ADGRL2: variants seen among roughly 807,000 people sequenced by gnomAD.
ADGRL2 encodes adhesion G protein-coupled receptor L2.
In ADGRL2, 44 loss-of-function variants were observed where a neutral mutation model predicts 157.4. The observed-to-expected ratio is 0.28, with a 90% CI of 0.22 to 0.36. The LOEUF (loss-of-function observed/expected upper bound fraction) is 0.36, where lower values mean the gene tolerates loss of function less well. Among genes scored for constraint, ADGRL2 ranks in the 10% least tolerant of loss-of-function variants. The probability of loss-of-function intolerance (pLI) is 1.00; values close to 1 mark genes in which losing one functional copy is unlikely to be tolerated. For missense variants in ADGRL2, 1,510 were observed against 1,768.9 expected (o/e 0.85, Z 2.63); for synonymous variants, 585 against 624.7 (o/e 0.94, Z 0.95).
intron 2 of ADGRL2, among the ~76,000 whole-genome samples, chr1:81,480,933 C>T (rs565675144): frequency 6.6e-6 from 1 of 152,252 alleles, no homozygotes; most frequent in African/African-American, 2.4e-5. Flanking sequence ...TTCTCCTGAA[C>T]GTCTGTATCC....
At chr1:81,552,493 A>G (rs766473550) in intron 2 of ADGRL2, among the ~76,000 whole-genome samples, 5 of 151,548 alleles carry the variant, frequency 3.3e-5, no homozygotes, top group African/African-American at 9.7e-5. Flanking sequence ...TCTGTCTCCC[A>G]TCTAAATGTG....
intron 1 of ADGRL2, among the ~76,000 whole-genome samples, chr1:81,413,399 A>T (rs911467363): frequency 6.6e-6 from 1 of 152,214 alleles, no homozygotes; most frequent in Non-Finnish European, 1.5e-5. Context: ...AGGAAAAAAA[A>T]TGTTTTTGTC....
intron 2 of ADGRL2, among the ~76,000 whole-genome samples, chr1:81,896,516 G>GAA (rs1346545501): frequency 6.6e-6 from 1 of 151,612 alleles, no homozygotes; most frequent in Non-Finnish European, 1.5e-5. Flanking sequence ...CTGGATTTTT[G>GAA]AAAAAACATT....
At chr1:81,617,548 T>C (rs1168412813) in intron 3 of ADGRL2, among the ~76,000 whole-genome samples, 3 of 152,208 alleles carry the variant, frequency 2.0e-5, no homozygotes, top group Non-Finnish European at 4.4e-5. Context: ...AGTCTTAGTT[T>C]TTCATTTCCT....
chr1:81,939,329 T>C (rs1263633520), intron 4 of ADGRL2, among the ~76,000 whole-genome samples: 1 of 151,554 alleles, frequency 6.6e-6, no homozygotes. Flanking sequence ...CATATATTTA[T>C]ATTTGAAAGA....
chr1:81,576,050 T>G (rs2080792245), intron 2 of ADGRL2, among the ~76,000 whole-genome samples: 1 of 152,264 alleles, frequency 6.6e-6, no homozygotes, highest in East Asian at 1.9e-4. Flanking sequence ...TGATGGAACT[T>G]ATTTTATAAA....
chr1:81,957,651 G>C (rs1415239290), intron 11 of ADGRL2, among the ~76,000 whole-genome samples: 1 of 152,052 alleles, frequency 6.6e-6, no homozygotes, highest in East Asian at 1.9e-4. Flanking sequence ...AGAGGTTGCA[G>C]TGAGCTGAGA....
intron 1 of ADGRL2, among the ~76,000 whole-genome samples, chr1:81,317,480 T>A (rs1660186018): frequency 6.6e-6 from 1 of 152,216 alleles, no homozygotes; most frequent in Admixed American, 6.5e-5. Context: ...GTTGACTGAC[T>A]TTTCTATATC....
Position 81,306,954 on chromosome 1 carries a change from G to C in ADGRL2, c.-302+445G>C, listed in dbSNP as rs186047948. On this transcript the variant is annotated intron_variant, in intron 1 of 24. Transcript: ENST00000370721. ...AACTGTTGAAATGTTTTTAACAACA[G>C]CAACAAAATAATAGATTTTACTTTA... 1.6e-4 allele frequency among the ~76,000 whole-genome samples: 25 copies of C among 152,106 alleles called. No homozygotes were observed. The East Asian group carries it at 3.1e-3, about 19-fold the overall frequency.
chr1:81,560,566 C>A (rs1438920625), intron 2 of ADGRL2, among the ~76,000 whole-genome samples: 1 of 152,112 alleles, frequency 6.6e-6, no homozygotes, highest in Non-Finnish European at 1.5e-5. Context: ...TTCAACACAT[C>A]TTTTTCTGTT....
chr1:81,642,248 CAAAAAAA>C (rs35830955), intron 3 of ADGRL2, among the ~76,000 whole-genome samples: 4 of 61,632 alleles, frequency 6.5e-5, no homozygotes, highest in East Asian at 4.7e-4. Context: ...ACTCTGTCTC[CAAAAAAA>C]AAAAAAAAAA....
chr1:81,633,322 G>A (rs996184638), intron 3 of ADGRL2, among the ~76,000 whole-genome samples: 3 of 151,982 alleles, frequency 2.0e-5, no homozygotes, highest in Admixed American at 6.6e-5. Flanking sequence ...CTGGGCGGGC[G>A]CAGTGGCTCA....
At chr1:81,891,194 GTATT>G (rs1244352767) in intron 2 of ADGRL2, among the ~76,000 whole-genome samples, 2 of 151,100 alleles carry the variant, frequency 1.3e-5, no homozygotes, top group Admixed American at 6.6e-5. Context: ...TATTTTTACT[GTATT>G]TATATTATTT....
In ADGRL2 at chr1:81,812,941, A is replaced by G. The variant is rs557039194; in HGVS notation, c.-101+11873A>G. On this transcript the variant is annotated intron_variant, in intron 1 of 23. Coordinates refer to ENST00000686636, the MANE Select transcript of ADGRL2 (RefSeq NM_001366006.2). ...CTTGATTGAAACCTGAATTCTGTTT[A>G]TGACTCTGTGCCAGCTGAATTTCTA... is the stretch of plus-strand genomic sequence containing the variant. Among the ~76,000 whole-genome samples the G allele has an allele frequency of 4.3e-4, 65 of 151,944 alleles. 1 individual carries two copies. The South Asian group carries it at 0.013, about 30-fold the overall frequency.
chr1:81,491,210 C>A (rs9661590), intron 2 of ADGRL2, among the ~76,000 whole-genome samples: 22,262 of 152,082 alleles, frequency 0.15, 3,020 homozygotes, highest in African/African-American at 0.36. Flanking sequence ...AAAAGAGTAC[C>A]TGCTATAGGA....
intron 1 of ADGRL2, among the ~76,000 whole-genome samples, chr1:81,352,769 T>C (rs1049739886): frequency 7.9e-5 from 12 of 152,100 alleles, no homozygotes; most frequent in African/African-American, 2.7e-4. Context: ...GGGAGACATA[T>C]ACATAAGCAA....
At chr1:81,327,284 A>G (rs572571733) in intron 1 of ADGRL2, among the ~76,000 whole-genome samples, 1 of 152,306 alleles carries the variant, frequency 6.6e-6, no homozygotes, top group African/African-American at 2.4e-5. Flanking sequence ...GAGAGAAATC[A>G]TCCCATTCCT....
intron 1 of ADGRL2, among the ~76,000 whole-genome samples, chr1:81,730,728 GAA>G (rs35484703): frequency 7.1e-5 from 10 of 141,368 alleles, no homozygotes; most frequent in South Asian, 4.4e-4. Context: ...ATCTCAAAAA[GAA>G]AAAAAAAAAA....
At chr1:81,737,775 G>A (rs2084950479) in intron 1 of ADGRL2, among the ~76,000 whole-genome samples, 1 of 152,166 alleles carries the variant, frequency 6.6e-6, no homozygotes, top group Non-Finnish European at 1.5e-5. Flanking sequence ...GGTAGCTCTG[G>A]AACTTCTGGA....
Sources: allele counts gnomAD v4.1 joint callset (sites outside exome capture counted in the v4.1 genomes callset), GRCh38; gene constraint gnomAD v4.1.1; transcripts MANE v1.5; gene names NCBI Gene and HGNC (gene_info 2026-07-23, HGNC 2026-07-21).